The following FBXW11 variants were observed in gnomAD, a reference collection of about 807,000 sequenced individuals.
FBXW11 encodes the protein F-box/WD repeat-containing protein 11.
In FBXW11, 19 loss-of-function variants were observed where a neutral mutation model predicts 77.6. The ratio of observed to expected loss-of-function variants is 0.24; its 90% CI spans 0.17 to 0.36. The LOEUF is 0.36. Ranked by LOEUF, FBXW11 falls within the 10% of genes least tolerant of loss-of-function variation. FBXW11 has a pLI of 1.00. For synonymous variants in FBXW11, 235 were observed against 249.4 expected, an observed-to-expected ratio of 0.94 and a Z score of 0.54; for missense variants, 334 against 704.2, an observed-to-expected ratio of 0.47 and a Z score of 5.95.
chr5:171,944,676 C>A (rs931402093), intron 2 of FBXW11, among the ~76,000 whole-genome samples: 4 of 151,564 alleles, frequency 2.6e-5, no homozygotes, highest in Non-Finnish European at 5.9e-5. Context: ...CACTTTTACC[C>A]CAATGGTCTA....
intron 1 of FBXW11, among the ~76,000 whole-genome samples, chr5:171,976,091 G>A (rs1764814288): frequency 6.6e-6 from 1 of 152,130 alleles, no homozygotes; most frequent in African/African-American, 2.4e-5. Flanking sequence ...GGAAGAAGGA[G>A]GGGAAGGCAG....
intron 6 of FBXW11, 29 bp downstream of exon 6, chr5:171,898,975 C>T (rs1223946041): frequency 1.5e-6 from 2 of 1,373,676 alleles, no homozygotes; most frequent in South Asian, 1.3e-5. Flanking sequence ...AAACAAAGAG[C>T]CCATAAAACA....
rs536564898 is a variant in FBXW11, at chr5:171,949,292, T to C, written c.147+8305A>G. Among the ~76,000 whole-genome samples, 11 of 152,254 alleles carry C rather than the reference T, an allele frequency of 7.2e-5. No homozygotes were observed. The East Asian group carries it at 2.1e-3, about 29-fold the overall frequency. ...TCATTGGACACAAGGAAGTGAAACA[T>C]GCGCATATGATATCAAATCAATGAA... is the stretch of plus-strand genomic sequence containing the variant. On this transcript the variant is annotated intron_variant, in intron 2 of 13. Coordinates refer to ENST00000517395, the MANE Select transcript of FBXW11 (RefSeq NM_001378974.1).
At chr5:171,992,788 C>T (rs1205580223) in intron 1 of FBXW11, among the ~76,000 whole-genome samples, 1 of 152,016 alleles carries the variant, frequency 6.6e-6, no homozygotes, top group Non-Finnish European at 1.5e-5. Context: ...GAACTCCAGG[C>T]CAATATTCCT....
intron 1 of FBXW11, among the ~76,000 whole-genome samples, chr5:171,979,120 C>G (rs1336599734): frequency 6.6e-6 from 1 of 152,100 alleles, no homozygotes; most frequent in African/African-American, 2.4e-5. Flanking sequence ...TAGGGAGACC[C>G]CATTTTGTCT....
chr5:171,972,010 T>C (rs1039561397), intron 1 of FBXW11, among the ~76,000 whole-genome samples: 7 of 148,876 alleles, frequency 4.7e-5, no homozygotes, highest in Non-Finnish European at 8.9e-5. Context: ...CACAGGAGAA[T>C]TGCTTGAGCC....
At position 171,904,006 on chromosome 5, in the gene FBXW11, G is replaced by C. The variant is rs528751483; in HGVS notation, c.437-3906C>G. ...AAGGTGAAACAAATGGCAAGACAAGGATGCATTAGGGGCTGCATGGTGGCT... is the reference window on the plus strand; with the variant it reads ...AAGGTGAAACAAATGGCAAGACAAGCATGCATTAGGGGCTGCATGGTGGCT... On this transcript the variant is annotated intron_variant, in intron 4 of 13. Transcript: ENST00000517395. This position sits in a 1 kb window ranked among gnomAD's most constrained non-coding sequence, Gnocchi z 4.0. Among the ~76,000 whole-genome samples the C allele has an allele frequency of 9.9e-5, 15 of 152,214 alleles. 1 individual carries two copies. The South Asian group carries it at 2.9e-3, about 29-fold the overall frequency.
chr5:171,932,009 C>T lies in FBXW11; in HGVS notation c.148-17604G>A, dbSNP rs560497746. Among the ~76,000 whole-genome samples, 37 of 151,740 alleles carry T rather than the reference C, an allele frequency of 2.4e-4. No homozygotes were observed. In the South Asian group the frequency reaches 2.7e-3, roughly 11 times the overall value. ...CCCACCTCAGCCTCCAGAGTAGCTG[C>T]GACCACAGGGGTACACCACCATACG... On this transcript the variant is annotated intron_variant, in intron 2 of 13. Transcript: ENST00000517395.
At chr5:172,004,179 T>C (rs1356518416) in intron 1 of FBXW11, among the ~76,000 whole-genome samples, 3 of 152,250 alleles carry the variant, frequency 2.0e-5, no homozygotes, top group Non-Finnish European at 2.9e-5. Context: ...CATTTGATCC[T>C]GGATTTACTC....
At chr5:171,865,980 T>TG (rs1229893824) in intron 13 of FBXW11, among the ~76,000 whole-genome samples, 3 of 152,200 alleles carry the variant, frequency 2.0e-5, no homozygotes, top group Non-Finnish European at 1.5e-5. Flanking sequence ...GAAAAGCATT[T>TG]GGGGCCGCAC....
At chr5:171,985,946 CA>C (rs1242019766) in intron 1 of FBXW11, among the ~76,000 whole-genome samples, 8 of 151,248 alleles carry the variant, frequency 5.3e-5, no homozygotes, top group Non-Finnish European at 1.2e-4. Flanking sequence ...GATTCTGACC[CA>C]AAAAAATAAA....
In FBXW11 at chr5:171,920,331, C is replaced by G. The variant is rs150851383; in HGVS notation, c.148-5926G>C. Among the ~76,000 whole-genome samples, 11 of 150,288 alleles carry G rather than the reference C, an allele frequency of 7.3e-5. No individual in the cohort carries two copies. In the East Asian group the frequency reaches 2.2e-3, roughly 30 times the overall value. Reference sequence around the variant, plus strand: ...GTCAGGTCTCCATTATCCTCAGAGTCAGATTTGGAAACTTCATGCCAACTG... The same window carrying G: ...GTCAGGTCTCCATTATCCTCAGAGTGAGATTTGGAAACTTCATGCCAACTG... On this transcript the variant is annotated intron_variant, in intron 2 of 13. Transcript: ENST00000517395.
At chr5:171,912,678 G>A (rs1760956433) in intron 3 of FBXW11, among the ~76,000 whole-genome samples, 1 of 152,092 alleles carries the variant, frequency 6.6e-6, no homozygotes, top group Non-Finnish European at 1.5e-5. Context: ...AGGCCAAGTT[G>A]GCTGGATCAC....
intron 1 of FBXW11, among the ~76,000 whole-genome samples, chr5:171,985,037 A>T (rs749173597): frequency 2.6e-5 from 4 of 152,220 alleles, no homozygotes; most frequent in Non-Finnish European, 4.4e-5. Context: ...TTACATTCAT[A>T]TCAATACAAA....
chr5:171,920,968 AAAAC>A (rs1442933877), intron 2 of FBXW11, among the ~76,000 whole-genome samples: 5 of 152,316 alleles, frequency 3.3e-5, no homozygotes, highest in African/African-American at 9.6e-5. Flanking sequence ...TCATCATTCT[AAAAC>A]AAACAAACAA....
chr5:171,903,194 T>A (rs1419512690), intron 4 of FBXW11, among the ~76,000 whole-genome samples: 1 of 152,112 alleles, frequency 6.6e-6, no homozygotes, highest in Admixed American at 6.6e-5. Flanking sequence ...ACTCCTGGGT[T>A]CAAGCAATCC....
intron 12 of FBXW11, 136 bp from the exon 13 acceptor site, chr5:171,868,932 T>A: frequency 1.5e-6 from 1 of 673,516 alleles, no homozygotes. Flanking sequence ...CTCACTGAAC[T>A]GTGTCCTTCA....
At chr5:171,944,480 C>G (rs1235047840) in intron 2 of FBXW11, among the ~76,000 whole-genome samples, 3 of 143,674 alleles carry the variant, frequency 2.1e-5, no homozygotes, top group African/African-American at 7.7e-5. Flanking sequence ...GAGGCTGAGG[C>G]AGGAGAATGG....
chr5:171,999,747 T>C (rs1766299693), intron 1 of FBXW11, among the ~76,000 whole-genome samples: 2 of 152,186 alleles, frequency 1.3e-5, no homozygotes, highest in Admixed American at 1.3e-4. Flanking sequence ...GATCAGAGGC[T>C]TTTTACTATA....
Sources: gnomAD v4.1 joint callset for allele counts (sites outside exome capture counted in the v4.1 genomes callset) on GRCh38, gnomAD v4.1.1 for gene constraint, Gnocchi (gnomAD v3.1) non-coding constraint, MANE v1.5 for transcripts, NCBI Gene and HGNC (gene_info 2026-07-23, HGNC 2026-07-21) for gene names.